WWOX: variants seen among roughly 807,000 people sequenced by gnomAD.
WWOX encodes WW domain-containing oxidoreductase.
A neutral mutation model predicts 46.2 loss-of-function variants in WWOX; 69 were observed. The ratio of observed to expected loss-of-function variants is 1.49; its 90% confidence interval spans 1.23 to 1.82. The LOEUF (loss-of-function observed/expected upper bound fraction) is 1.82, where lower values mean the gene tolerates loss of function less well. Among genes scored for constraint, WWOX ranks in the 40% most tolerant of loss-of-function variants. The pLI, the probability that WWOX is intolerant of heterozygous loss-of-function variation, is 0.00. For synonymous variants in WWOX, 359 were observed against 202.6 expected (o/e 1.77, Z -6.56); for missense variants, 919 against 542.6 (o/e 1.69, Z -6.89).
intron 8 of WWOX, among the ~76,000 whole-genome samples, chr16:78,744,539 T>C (rs891586880): frequency 6.6e-6 from 1 of 151,112 alleles, no homozygotes; most frequent in East Asian, 2.0e-4. Flanking sequence ...TCAAGCAATT[T>C]TCTTGCCTCA....
At chr16:78,114,040 A>G (rs1363236941) in intron 3 of WWOX, among the ~76,000 whole-genome samples, 6 of 150,954 alleles carry the variant, frequency 4.0e-5, no homozygotes, top group Non-Finnish European at 8.8e-5. Context: ...CATTTAAGAT[A>G]TAAAAAGTAA....
At chr16:78,873,635 T>G (rs999426032) in intron 8 of WWOX, 3 of 151,964 alleles carry the variant, frequency 2.0e-5, no homozygotes, top group Non-Finnish European at 2.9e-5. Flanking sequence ...AAATATTTTT[T>G]AAAACTCAGC....
rs546168049 is a variant in WWOX, at chr16:79,101,025, A to AACCCAGGACCCAGG, written c.1057-110573_1057-110560dup. ...GTGAATGGGGGAATGAGAACTAGGG[A>AACCCAGGACCCAGG]ACCCAGGACCCAGGACCCAGGACGA... On this transcript the variant is annotated intron_variant, in intron 8 of 8. Transcript: ENST00000566780. 26 of 153,180 alleles carry AACCCAGGACCCAGG rather than the reference A, an allele frequency of 1.7e-4. No individual in the cohort carries two copies. In the South Asian group the frequency reaches 4.8e-3, roughly 28 times the overall value. The allele number at this position is 153,180 out of a possible 1,614,324, so 9.5% of individuals were successfully genotyped here. A position where few individuals can be genotyped will look rare whatever the true frequency, so the allele number is the denominator to read the frequency against.
chr16:79,110,775 T>A (rs922050831), intron 8 of WWOX: 1 of 152,120 alleles, frequency 6.6e-6, no homozygotes, highest in Admixed American at 6.6e-5. Context: ...GTTTCTGGAG[T>A]CTGCCAGTAC....
rs996763346 is a variant in WWOX, at chr16:79,028,739, G to A, written c.1057-182869G>A. Among the ~76,000 whole-genome samples, 9 of 151,940 alleles carry A rather than the reference G, an allele frequency of 5.9e-5. 1 individual carries two copies. Among genetic ancestry groups the A allele is most frequent in the African/African-American group, 9.7e-5 (4 of 41,204 alleles). The stretch of plus-strand genomic sequence containing the variant: ...ACTCTCTAAACTTCTTTCCACAAGA[G>A]TAGGTTTATAATTTATTTTCTTTAC... On this transcript the variant is annotated intron_variant, in intron 8 of 8. Transcript: ENST00000566780.
chr16:78,948,397 G>T (rs1015431367), intron 8 of WWOX, among the ~76,000 whole-genome samples: 1 of 152,148 alleles, frequency 6.6e-6, no homozygotes, highest in Non-Finnish European at 1.5e-5. Flanking sequence ...CTCAGAACTT[G>T]TATCTTTTCT....
intron 8 of WWOX, among the ~76,000 whole-genome samples, chr16:78,937,948 A>G (rs2045775963): frequency 6.6e-6 from 1 of 152,150 alleles, no homozygotes; most frequent in African/African-American, 2.4e-5. Context: ...TTAATGTGCC[A>G]AGGTCTGTGT....
At chr16:78,309,147 A>G (rs1484364773) in intron 5 of WWOX, among the ~76,000 whole-genome samples, 4 of 152,190 alleles carry the variant, frequency 2.6e-5, no homozygotes, top group Admixed American at 2.0e-4. Flanking sequence ...TCTCATCTTG[A>G]ATTGTAATCC....
chr16:78,384,394 G>T (rs529241476), intron 5 of WWOX, among the ~76,000 whole-genome samples: 2 of 152,290 alleles, frequency 1.3e-5, no homozygotes, highest in Admixed American at 6.5e-5. Flanking sequence ...TGAGGCATCA[G>T]CGTCTCTGTG....
intron 5 of WWOX, among the ~76,000 whole-genome samples, chr16:78,172,739 A>G (rs952657182): frequency 2.6e-5 from 4 of 152,126 alleles, no homozygotes; most frequent in Non-Finnish European, 5.9e-5. Flanking sequence ...GCTCTGAACC[A>G]TCACTCCCAA....
chr16:78,492,853 C>G (rs2084818829), intron 8 of WWOX, among the ~76,000 whole-genome samples: 2 of 152,150 alleles, frequency 1.3e-5, no homozygotes, highest in Admixed American at 6.5e-5. Flanking sequence ...ACTTGTGTCC[C>G]TTGAGCCTGG....
At chr16:79,156,608 A>C (rs376168018) in intron 8 of WWOX, among the ~76,000 whole-genome samples, 8 of 152,106 alleles carry the variant, frequency 5.3e-5, no homozygotes, top group African/African-American at 1.9e-4. Flanking sequence ...TAACAAGTTA[A>C]AAAAAAATTG....
chr16:78,422,263 T>A (rs2082951110), intron 6 of WWOX, among the ~76,000 whole-genome samples: 1 of 152,176 alleles, frequency 6.6e-6, no homozygotes, highest in Admixed American at 6.5e-5. Context: ...CAGAAGATTT[T>A]AATTTCTATA....
chr16:78,885,551 G>A (rs1314603830), intron 8 of WWOX, among the ~76,000 whole-genome samples: 1 of 152,178 alleles, frequency 6.6e-6, no homozygotes, highest in Non-Finnish European at 1.5e-5. Context: ...TGTGAGAAAT[G>A]TGTTGGATGT....
chr16:78,271,371 T>G (rs1303029949), intron 5 of WWOX, among the ~76,000 whole-genome samples: 1 of 152,216 alleles, frequency 6.6e-6, no homozygotes, highest in African/African-American at 2.4e-5. Context: ...CTTTGAAACA[T>G]AACCACAGTG....
At chr16:78,779,633 A>T (rs766391995) in intron 8 of WWOX, among the ~76,000 whole-genome samples, 1 of 152,216 alleles carries the variant, frequency 6.6e-6, no homozygotes, top group Non-Finnish European at 1.5e-5. Flanking sequence ...ATTGAAGCTC[A>T]GGGAATCGTA....
At chr16:79,026,937 G>A (rs1459376249) in intron 8 of WWOX, among the ~76,000 whole-genome samples, 1 of 151,198 alleles carries the variant, frequency 6.6e-6, no homozygotes, top group Non-Finnish European at 1.5e-5. Flanking sequence ...GCGGCACGTG[G>A]TAGACTCTTA....
intron 4 of WWOX, among the ~76,000 whole-genome samples, chr16:78,156,176 G>A (rs567930939): frequency 6.6e-6 from 1 of 152,334 alleles, no homozygotes; most frequent in South Asian, 2.1e-4. Flanking sequence ...ATTCTCTAAA[G>A]GAGAGAGGGT....
intron 5 of WWOX, among the ~76,000 whole-genome samples, chr16:78,260,190 C>T (rs2038242021): frequency 6.6e-6 from 1 of 151,322 alleles, no homozygotes; most frequent in South Asian, 2.1e-4. Context: ...GTGGGAGGGA[C>T]CCAGGTGAAC....
Sources: allele counts gnomAD v4.1 joint callset (sites outside exome capture counted in the v4.1 genomes callset), GRCh38; gene constraint gnomAD v4.1.1; transcripts MANE v1.5; gene names NCBI Gene and HGNC (gene_info 2026-07-23, HGNC 2026-07-21).